Variants in CAST observed in about 807,000 individuals in gnomAD.
The protein encoded by CAST is calpastatin.
In CAST, 76 loss-of-function variants were observed where a neutral mutation model predicts 119.6. The observed-to-expected ratio is 0.64, with a 90% CI of 0.53 to 0.77. The LOEUF (loss-of-function observed/expected upper bound fraction) is 0.77, where lower values mean the gene tolerates loss of function less well. Among genes scored for constraint, CAST ranks in the 30% least tolerant of loss-of-function variants. The pLI is 0.00. For missense variants in CAST, 953 were observed against 946.5 expected (o/e 1.01, Z -0.09); for synonymous variants, 319 against 331.6 (o/e 0.96, Z 0.41).
chr5:96,363,644 A>T, the CAST span, among the ~76,000 whole-genome samples: 1 of 151,784 alleles, frequency 6.6e-6, no homozygotes, highest in Non-Finnish European at 1.5e-5. Context: ...TTTGTCTGTT[A>T]TTGGTGTATA....
the CAST span, among the ~76,000 whole-genome samples, chr5:96,163,248 C>T: frequency 6.6e-6 from 1 of 152,090 alleles, no homozygotes; most frequent in Non-Finnish European, 1.5e-5. Flanking sequence ...TGCTTTCATT[C>T]CTGATTTTAA....
At chr5:96,438,672 G>A in the CAST span, among the ~76,000 whole-genome samples, 1 of 152,150 alleles carries the variant, frequency 6.6e-6, no homozygotes, top group African/African-American at 2.4e-5. Context: ...GGTACATGGT[G>A]TCCATATGTC....
the CAST span, among the ~76,000 whole-genome samples, chr5:96,412,061 A>T: frequency 6.6e-6 from 1 of 152,194 alleles, no homozygotes; most frequent in South Asian, 2.1e-4. Flanking sequence ...GGGTTTCTCC[A>T]TATTGGCCAC....
chr5:95,986,327 A>G, the CAST span: 1 of 152,252 alleles, frequency 6.6e-6, no homozygotes, highest in African/African-American at 2.4e-5. Flanking sequence ...AGTACATTTT[A>G]TAGCCACACA....
chr5:96,235,374 C>T, the CAST span, among the ~76,000 whole-genome samples: 1 of 152,170 alleles, frequency 6.6e-6, no homozygotes, highest in African/African-American at 2.4e-5. Context: ...CTTTCCATTC[C>T]CTGGGCATAC....
At chr5:96,277,258 CA>C in the CAST span, among the ~76,000 whole-genome samples, 2 of 5,764 alleles carry the variant, frequency 3.5e-4, no homozygotes, top group Non-Finnish European at 0.024. Context: ...TGGGGAGTGC[CA>C]TATTAACTCT....
the CAST span, among the ~76,000 whole-genome samples, chr5:96,347,562 G>T: frequency 6.6e-6 from 1 of 152,046 alleles, no homozygotes; most frequent in Non-Finnish European, 1.5e-5. Context: ...ATCACTGGCG[G>T]GTCCTCAGTT....
the CAST span, among the ~76,000 whole-genome samples, chr5:96,186,203 A>G: frequency 2.0e-5 from 3 of 152,138 alleles, no homozygotes; most frequent in Admixed American, 2.0e-4. Context: ...TTGATTTTAT[A>G]TTCTGAGATT....
the CAST span, among the ~76,000 whole-genome samples, chr5:96,034,512 T>TCACACACAC: frequency 7.7e-3 from 135 of 17,480 alleles, 2 homozygotes; most frequent in South Asian, 0.085. Flanking sequence ...CACACATATG[T>TCACACACAC]GTGTGTGTAT....
At chr5:96,493,573 TG>T in the CAST span, among the ~76,000 whole-genome samples, 1 of 152,194 alleles carries the variant, frequency 6.6e-6, no homozygotes, top group African/African-American at 2.4e-5. Flanking sequence ...AGCATCATGC[TG>T]GGTGTACTGT....
chr5:96,413,629 A>C, the CAST span, among the ~76,000 whole-genome samples: 3 of 151,342 alleles, frequency 2.0e-5, no homozygotes, highest in African/African-American at 7.3e-5. Context: ...GAGAAACCCC[A>C]TCTTTACTAA....
the CAST span, among the ~76,000 whole-genome samples, chr5:96,306,924 C>G: frequency 6.6e-6 from 1 of 152,120 alleles, no homozygotes; most frequent in Non-Finnish European, 1.5e-5. Flanking sequence ...AATGTATATT[C>G]TGTTGGTTTG....
chr5:96,032,517 GAA>G, the CAST span, among the ~76,000 whole-genome samples: 2 of 152,072 alleles, frequency 1.3e-5, no homozygotes, highest in African/African-American at 4.8e-5. Flanking sequence ...TGGTACAAGA[GAA>G]AAAGTCTTAG....
At chr5:96,247,592 G>A in the CAST span, among the ~76,000 whole-genome samples, 5 of 152,212 alleles carry the variant, frequency 3.3e-5, no homozygotes, top group African/African-American at 1.2e-4. Context: ...TCAGAACACT[G>A]ACTTTTTCTT....
chr5:96,393,065 G>A, the CAST span: 1 of 1,613,978 alleles, frequency 6.2e-7, no homozygotes, highest in Non-Finnish European at 8.5e-7. Flanking sequence ...GTGCTTGTAA[G>A]GTTTAGTGTT....
chr5:96,667,574 C>T (rs1018500529), intron 1 of CAST, among the ~76,000 whole-genome samples: 2 of 152,074 alleles, frequency 1.3e-5, no homozygotes, highest in Admixed American at 6.5e-5. Context: ...TGTACCTTTA[C>T]AGTGTCATCT....
chr5:96,521,488 TAA>T (rs1189453691), upstream of CAST, among the ~76,000 whole-genome samples: 1 of 152,166 alleles, frequency 6.6e-6, no homozygotes, highest in Admixed American at 6.5e-5. Flanking sequence ...GTGTCTTTAA[TAA>T]AGTCTTCTAT....
the CAST span, among the ~76,000 whole-genome samples, chr5:96,064,476 A>ATGC: frequency 1.0e-5 from 1 of 98,196 alleles, no homozygotes; most frequent in Non-Finnish European, 2.7e-5. Flanking sequence ...AAAGTATGTA[A>ATGC]TTGCAGCCCT....
the CAST span, among the ~76,000 whole-genome samples, chr5:96,144,480 A>G: frequency 4.0e-4 from 61 of 152,290 alleles, no homozygotes; most frequent in African/African-American, 1.3e-3. Context: ...TATTTACATG[A>G]CTAAGGTTTG....
Sources: gnomAD v4.1 joint callset for allele counts (sites outside exome capture counted in the v4.1 genomes callset) on GRCh38, gnomAD v4.1.1 for gene constraint, MANE v1.5 for transcripts, NCBI Gene and HGNC (gene_info 2026-07-23, HGNC 2026-07-21) for gene names.